Variants in CCDC187 observed in about 807,000 individuals in gnomAD.
CCDC187 encodes the protein coiled-coil domain containing 187, also known as coiled-coil domain-containing protein 187.
Under a neutral mutation model 38.0 loss-of-function variants are expected in CCDC187, and 32 were observed. The observed-to-expected ratio is 0.84, with a 90% confidence interval of 0.64 to 1.13. The LOEUF is 1.13. Among genes scored for constraint, CCDC187 ranks in the 50% most tolerant of loss-of-function variants. The pLI is 0.00. For synonymous variants in CCDC187, 333 were observed against 347.9 expected (o/e 0.96, Z 0.48); for missense variants, 707 against 786.8 (o/e 0.90, Z 1.21).
rs1830570181 is a variant in CCDC187, at chr9:136,253,195, TA to T, written c.*398del. On this transcript the variant is annotated 3_prime_UTR_variant, in exon 26 of 26. Transcript: ENST00000638797. Reference sequence around the variant, plus strand: ...CCAGACCCACTAAGAGCTGCCCCGCTACCCACCCCGGCTCTCTGCATGCCCA... The same window carrying T: ...CCAGACCCACTAAGAGCTGCCCCGCTCCCACCCCGGCTCTCTGCATGCCCA... The T allele has an allele frequency of 6.6e-6, 1 of 152,514 alleles. No homozygotes were observed. Among genetic ancestry groups the T allele is most frequent in the African/African-American group, 2.4e-5 (1 of 41,412 alleles). 9.4% of individuals were successfully genotyped at this position (152,514 alleles called of 1,614,324 possible). A position where few individuals can be genotyped will look rare whatever the true frequency, so the allele number is the denominator to read the frequency against.
chr9:136,302,448 T>C (rs1323468091), intron 2 of CCDC187, among the ~76,000 whole-genome samples: 1 of 151,664 alleles, frequency 6.6e-6, no homozygotes, highest in Non-Finnish European at 1.5e-5. Context: ...GCTGACTTTT[T>C]AGGGCGCTCC....
chr9:136,285,445 AGGTG>A (rs1831154537), intron 9 of CCDC187, 64 bp downstream of exon 9: 37 of 33,028 alleles, frequency 1.1e-3, no homozygotes, highest in African/African-American at 4.7e-3. Context: ...GCAGGTGGGC[AGGTG>A]GGCAGGTGGG....
rs1323527509 is a variant in CCDC187, at chr9:136,290,925, T to A, written c.1688A>T (p.Glu563Val). 2.5e-6 allele frequency: 1 copy of A among 398,592 alleles called. No individual in the cohort carries two copies. Among genetic ancestry groups the A allele is most frequent in the African/African-American group, 2.1e-5 (1 of 48,624 alleles). The allele number at this position is 398,592 out of a possible 1,614,324, so 24.7% of individuals were successfully genotyped here. The change falls in exon 6 of 26, where the codon GAA (glutamate) becomes GTA (valine). Residue 563 changes from glutamate (E) to valine (V), a missense_variant. Glu to Val is a moderately radical substitution (Grantham distance 121). Transcript: ENST00000638797. ...CCGCTGGGCTGGAGGACTGGGCCTT[T>A]CCAGAGGGTTCCGCAGTCTGGGGCC... ...DPGPRLRNPL[E>V]RPSPPAQRPW...
intron 19 of CCDC187, among the ~76,000 whole-genome samples, chr9:136,261,235 A>T (rs1037875995): frequency 1.3e-5 from 2 of 152,028 alleles, no homozygotes; most frequent in Non-Finnish European, 2.9e-5. Flanking sequence ...CGGCCCAATG[A>T]AGGAGGGAAG....
chr9:136,290,482 G>A lies in CCDC187; in HGVS notation c.2127+4C>T. On this transcript the variant is annotated splice_donor_region_variant and intron_variant, in intron 6 of 25. Transcript: ENST00000638797. Reference sequence around the variant, plus strand: ...AGTCCCCCCAACCCAACCCCAGCATGTACCCCGGACTGTGCAGAACTGGGG... The same window carrying A: ...AGTCCCCCCAACCCAACCCCAGCATATACCCCGGACTGTGCAGAACTGGGG... The A allele has an allele frequency of 2.5e-6, 1 of 398,202 alleles. No individual in the cohort carries two copies. The highest frequency in any genetic ancestry group is 4.4e-6 in the Non-Finnish European group (1 of 225,836). The allele number at this position is 398,202 out of a possible 1,614,324, so 24.7% of individuals were successfully genotyped here.
rs905640484 is a variant in CCDC187 at position 136,258,692 on chromosome 9, G to A, written c.4366+240C>T. 5 of 985,410 alleles carry A rather than the reference G, an allele frequency of 5.1e-6. No individual in the cohort carries two copies. Among genetic ancestry groups the A allele is most frequent in the Non-Finnish European group, 6.0e-6 (5 of 829,884 alleles). The allele number at this position is 985,410 out of a possible 1,614,324, so 61.0% of individuals were successfully genotyped here. A position where few individuals can be genotyped will look rare whatever the true frequency, so the allele number is the denominator to read the frequency against. On this transcript the variant is annotated intron_variant, in intron 22 of 25. Transcript: ENST00000638797. This position sits in a 1 kb window ranked among gnomAD's most constrained non-coding sequence, Gnocchi z 4.3. ...CGAAGTTGCGACTAAAACAATCCCA[G>A]CCAGTTATGACTTTTAATTTCTCCA... is the stretch of plus-strand genomic sequence containing the variant.
intron 5 of CCDC187, 43 bp from the exon 6 acceptor site, chr9:136,291,688 G>A (rs916324224): frequency 1.3e-3 from 513 of 398,700 alleles, no homozygotes; most frequent in Non-Finnish European, 1.8e-3. Flanking sequence ...GGAGCGGAGG[G>A]GAGAGCAAAG....
chr9:136,283,662 G>A lies in CCDC187; in HGVS notation c.2927+1851C>T, dbSNP rs964967197. Among the ~76,000 whole-genome samples, 6 of 152,248 alleles carry A rather than the reference G, an allele frequency of 3.9e-5. No homozygotes were observed. The South Asian group carries it at 6.2e-4, about 16-fold the overall frequency. ...TGTCTGGGTGCCATTGCCACAGGGA[G>A]CCCTGGCCGCACCTCTGCCCCTCTG... is the stretch of plus-strand genomic sequence containing the variant. On this transcript the variant is annotated intron_variant, in intron 9 of 25. Transcript: ENST00000638797.
At chr9:136,278,778 C>T (rs981940618) in intron 10 of CCDC187, among the ~76,000 whole-genome samples, 3 of 152,248 alleles carry the variant, frequency 2.0e-5, no homozygotes, top group African/African-American at 7.2e-5. Flanking sequence ...CTGGCAGCCA[C>T]ACCCACCGTT....
chr9:136,255,615 G>A (rs73560774), intron 25 of CCDC187, 42 bp downstream of exon 25: 12,907 of 912,116 alleles, frequency 0.014, 157 homozygotes, highest in African/African-American at 0.031. Context: ...CCCTTAGTGG[G>A]GACTCGATGG....
Position 136,258,559 on chromosome 9 carries a change from G to A in CCDC187, c.4366+373C>T, listed in dbSNP as rs1431451698. On this transcript the variant is annotated intron_variant, in intron 22 of 25. Coordinates refer to ENST00000638797, the MANE Select transcript of CCDC187 (RefSeq NM_001378188.1). The surrounding 1 kb of genome is among the most constrained non-coding windows in gnomAD (Gnocchi z 4.3). ...GGCTCTCGGGGGGGGCCCCGGCCAAGTGTAAGGTTCAGAAAGAGAAAAATG... is the reference window on the plus strand; with the variant it reads ...GGCTCTCGGGGGGGGCCCCGGCCAAATGTAAGGTTCAGAAAGAGAAAAATG... 6.6e-6 allele frequency among the ~76,000 whole-genome samples: 1 copy of A among 152,148 alleles called. No individual in the cohort carries two copies. The highest frequency in any genetic ancestry group is 1.5e-5 in the Non-Finnish European group (1 of 68,042).
rs558403506 is a variant in CCDC187 at position 136,254,368 on chromosome 9, G to C, written c.5460C>G (p.Ser1820Arg). ...TGCCGCTTCTGACACCCCCTTTCAG[G>C]CTCTCGCTGGTCCCAGAAGCTTCCC... ...EGREASGTSESLKGGVRSGME... is the reference protein window; with the variant it reads ...EGREASGTSERLKGGVRSGME... The change falls in exon 26 of 26, where the codon AGC (serine) becomes AGG (arginine). Residue 1820 changes from serine to arginine, a missense_variant. Ser to Arg is a moderately radical substitution (Grantham distance 110). Transcript: ENST00000638797. The C allele has an allele frequency of 5.9e-5, 58 of 984,706 alleles. No homozygotes were observed. The highest frequency in any genetic ancestry group is 6.5e-5 in the Non-Finnish European group (54 of 829,574). The allele number at this position is 984,706 out of a possible 1,614,324, so 61.0% of individuals were successfully genotyped here. A position where few individuals can be genotyped will look rare whatever the true frequency, so the allele number is the denominator to read the frequency against.
At chr9:136,278,178 T>C (rs1202722232) in intron 10 of CCDC187, among the ~76,000 whole-genome samples, 1 of 152,256 alleles carries the variant, frequency 6.6e-6, no homozygotes, top group East Asian at 1.9e-4. Flanking sequence ...AACCATCTTT[T>C]GCTTTTGTTT....
chr9:136,281,790 C>A, intron 9 of CCDC187, 127 bp from the exon 10 acceptor site: 2 of 397,536 alleles, frequency 5.0e-6, no homozygotes, highest in Non-Finnish European at 8.9e-6. Flanking sequence ...AGCTCTCAGA[C>A]CCCCAACAGT....
rs918266106 is a variant in CCDC187 at position 136,257,406 on chromosome 9, A to T, written c.4367-565T>A. Among the ~76,000 whole-genome samples, 1 of 136,218 alleles carries T rather than the reference A, an allele frequency of 7.3e-6. No homozygotes were observed. The highest frequency in any genetic ancestry group is 1.6e-5 in the Non-Finnish European group (1 of 61,190). 89.4% of individuals were successfully genotyped at this position (136,218 alleles called of 152,430 possible). A position where few individuals can be genotyped will look rare whatever the true frequency, so the allele number is the denominator to read the frequency against. Reference sequence around the variant, plus strand: ...TAATAATAATAATAATAATAATAATAATTTAGAGGCCTCTTTCCCTCCCTT... The same window carrying T: ...TAATAATAATAATAATAATAATAATTATTTAGAGGCCTCTTTCCCTCCCTT... On this transcript the variant is annotated intron_variant, in intron 22 of 25. Transcript: ENST00000638797. This position sits in a 1 kb window ranked among gnomAD's most constrained non-coding sequence, Gnocchi z 4.5.
At position 136,254,109 on chromosome 9, in the gene CCDC187, C is replaced by T. The variant is rs782535821; in HGVS notation, c.5719G>A (p.Glu1907Lys). Reference sequence around the variant, plus strand: ...GTTCCCTCCTGGTAGCCAGAAGTCTCTCCTCCTTTGCCGAAATCTGCCCCT... The same window carrying T: ...GTTCCCTCCTGGTAGCCAGAAGTCTTTCCTCCTTTGCCGAAATCTGCCCCT... ...SEGADFGKGG[E>K]TSGYQEGTRD... The change falls in exon 26 of 26, where the codon GAG (glutamate) becomes AAG (lysine). Residue 1907 changes from glutamate (E) to lysine (K), a missense_variant. By Grantham distance (56) the Glu-to-Lys change is moderately conservative. Coordinates refer to ENST00000638797, the MANE Select transcript of CCDC187 (RefSeq NM_001378188.1). 1.0e-5 allele frequency: 10 copies of T among 985,364 alleles called. No homozygotes were observed. The highest frequency in any genetic ancestry group is 1.2e-5 in the Non-Finnish European group (10 of 830,000). The allele number at this position is 985,364 out of a possible 1,614,324, so 61.0% of individuals were successfully genotyped here.
intron 4 of CCDC187, 36 bp downstream of exon 4, chr9:136,297,678 C>T: frequency 2.5e-6 from 1 of 399,330 alleles, no homozygotes; most frequent in Admixed American, 4.4e-5. Flanking sequence ...ATCATATGCA[C>T]CTAGCGTGCC....
At chr9:136,304,851 C>T (rs1022970819), upstream of CCDC187, among the ~76,000 whole-genome samples, 1 of 152,230 alleles carries the variant, frequency 6.6e-6, no homozygotes, top group Non-Finnish European at 1.5e-5. Context: ...GTTGACCCTT[C>T]CCAAGTGGCC....
intron 19 of CCDC187, among the ~76,000 whole-genome samples, chr9:136,261,529 G>A (rs34775390): frequency 0.27 from 41,658 of 152,138 alleles, 6,908 homozygotes; most frequent in East Asian, 0.37. Context: ...ACCAAGGGGC[G>A]GTATTTGGCC....
Sources: gnomAD v4.1 joint callset for allele counts (sites outside exome capture counted in the v4.1 genomes callset) on GRCh38, gnomAD v4.1.1 for gene constraint, Gnocchi (gnomAD v3.1) non-coding constraint, MANE v1.5 for transcripts, NCBI Gene and HGNC (gene_info 2026-07-23, HGNC 2026-07-21) for gene names.